SEMA5A: variants seen among roughly 807,000 people sequenced by gnomAD.
SEMA5A encodes the protein semaphorin-5A.
SEMA5A carries 55 observed loss-of-function variants against 135.5 expected under a neutral mutation model. That is an observed-to-expected ratio of 0.41 (90% CI 0.33 to 0.51). SEMA5A has a LOEUF of 0.51. SEMA5A is among the 20% of genes least tolerant of loss of function. The pLI is 0.37. For synonymous variants in SEMA5A, 580 were observed against 546.5 expected (o/e 1.06, Z -0.85); for missense variants, 1,290 against 1,419.9 (o/e 0.91, Z 1.47).
chr5:9,533,595 A>T (rs1737579373), intron 1 of SEMA5A, among the ~76,000 whole-genome samples: 1 of 152,208 alleles, frequency 6.6e-6, no homozygotes, highest in Non-Finnish European at 1.5e-5. Flanking sequence ...AATTAAGTGA[A>T]TCCAATTAAT....
chr5:9,170,853 C>T (rs1262821619), intron 11 of SEMA5A, among the ~76,000 whole-genome samples: 6 of 152,178 alleles, frequency 3.9e-5, no homozygotes, highest in Non-Finnish European at 1.5e-5. Flanking sequence ...CCCTTTCATT[C>T]ACCAACAGTC....
chr5:9,055,751 T>C (rs1736854296), intron 18 of SEMA5A, among the ~76,000 whole-genome samples: 1 of 152,162 alleles, frequency 6.6e-6, no homozygotes. Context: ...CTTGCAGAAT[T>C]CAACAGTATT....
chr5:9,283,353 T>G (rs1267808955), intron 5 of SEMA5A, among the ~76,000 whole-genome samples: 2 of 152,162 alleles, frequency 1.3e-5, no homozygotes, highest in African/African-American at 4.8e-5. Context: ...TCTTTGTGAC[T>G]GTAGGACTGA....
chr5:9,422,922 A>G (rs1315961715), intron 2 of SEMA5A, among the ~76,000 whole-genome samples: 1 of 152,240 alleles, frequency 6.6e-6, no homozygotes, highest in Non-Finnish European at 1.5e-5. Context: ...CAACTGTAAA[A>G]TCATTTTATG....
At chr5:9,106,126 T>C (rs1460142783) in intron 16 of SEMA5A, among the ~76,000 whole-genome samples, 1 of 152,112 alleles carries the variant, frequency 6.6e-6, no homozygotes, top group African/African-American at 2.4e-5. Flanking sequence ...CAATAACACC[T>C]TCCTAGAAGT....
intron 16 of SEMA5A, among the ~76,000 whole-genome samples, chr5:9,105,820 C>A (rs767148859): frequency 2.0e-5 from 3 of 152,140 alleles, no homozygotes; most frequent in Non-Finnish European, 4.4e-5. Flanking sequence ...CAATAAAAAC[C>A]GAACCCTTTG....
At chr5:9,299,132 T>A (rs1751481906) in intron 5 of SEMA5A, among the ~76,000 whole-genome samples, 1 of 152,110 alleles carries the variant, frequency 6.6e-6, no homozygotes, top group Non-Finnish European at 1.5e-5. Context: ...GAAGGGGGCA[T>A]CTTTACCTAA....
intron 3 of SEMA5A, among the ~76,000 whole-genome samples, chr5:9,361,250 G>T (rs1311191347): frequency 2.0e-5 from 3 of 149,366 alleles, no homozygotes; most frequent in East Asian, 2.0e-4. Flanking sequence ...AGTGAGGCAA[G>T]ATCATGCCAC....
intron 1 of SEMA5A, among the ~76,000 whole-genome samples, chr5:9,446,330 G>A (rs1758432012): frequency 6.6e-6 from 1 of 152,068 alleles, no homozygotes; most frequent in South Asian, 2.1e-4. Flanking sequence ...AAGAAAGAGA[G>A]GGGGCAAAAA....
chr5:9,353,362 G>GGAAAGGAAAT (rs1754292292), intron 3 of SEMA5A, among the ~76,000 whole-genome samples: 5 of 137,436 alleles, frequency 3.6e-5, no homozygotes, highest in African/African-American at 1.4e-4. Context: ...GGGAAGGAAA[G>GGAAAGGAAAT]GAAAGGAAAG....
At chr5:9,541,181 C>G (rs1738064421) in intron 1 of SEMA5A, among the ~76,000 whole-genome samples, 1 of 152,154 alleles carries the variant, frequency 6.6e-6, no homozygotes, top group South Asian at 2.1e-4. Context: ...TTTCACGTCT[C>G]AACAAATATA....
chr5:9,280,673 C>T, intron 5 of SEMA5A: 1 of 223,598 alleles, frequency 4.5e-6, no homozygotes, highest in Non-Finnish European at 9.4e-6. Flanking sequence ...AATTGGATAC[C>T]TCTGAAATTA....
intron 15 of SEMA5A, among the ~76,000 whole-genome samples, chr5:9,112,834 C>T (rs1740313328): frequency 6.6e-6 from 1 of 152,218 alleles, no homozygotes. Flanking sequence ...AATGTCACTT[C>T]TGTCATTATG....
rs577997250 is a variant in SEMA5A, at chr5:9,061,654, T to C, written c.2518+1233A>G. On this transcript the variant is annotated intron_variant, in intron 18 of 22. Transcript: ENST00000382496. Reference sequence around the variant, plus strand: ...AATATTAAAGGGAAAGATGGAGGAGTGTTTCAGGCATTGTCAGAGCAAAAG... The same window carrying C: ...AATATTAAAGGGAAAGATGGAGGAGCGTTTCAGGCATTGTCAGAGCAAAAG... 2.0e-4 allele frequency among the ~76,000 whole-genome samples: 30 copies of C among 151,438 alleles called. No homozygotes were observed. In the South Asian group the frequency reaches 4.0e-3, roughly 20 times the overall value.
intron 6 of SEMA5A, among the ~76,000 whole-genome samples, chr5:9,231,632 C>A (rs1305800231): frequency 2.0e-5 from 3 of 152,106 alleles, no homozygotes; most frequent in African/African-American, 7.2e-5. Context: ...CCATGGGTTA[C>A]CTGAACTTGC....
chr5:9,048,480 C>A (rs1017695939), intron 21 of SEMA5A, among the ~76,000 whole-genome samples: 1 of 152,162 alleles, frequency 6.6e-6, no homozygotes, highest in African/African-American at 2.4e-5. Context: ...TTTCTGTAGA[C>A]CTGACCAGAA....
intron 12 of SEMA5A, among the ~76,000 whole-genome samples, chr5:9,153,783 A>T (rs1742769251): frequency 6.6e-6 from 1 of 151,940 alleles, no homozygotes; most frequent in African/African-American, 2.4e-5. Context: ...CAGTAGCTCA[A>T]GCCTGTAATC....
At chr5:9,314,582 G>T (rs1752310090) in intron 5 of SEMA5A, among the ~76,000 whole-genome samples, 1 of 151,928 alleles carries the variant, frequency 6.6e-6, no homozygotes, top group South Asian at 2.1e-4. Context: ...ACTGTTATAA[G>T]ACCCTTTGTC....
At chr5:9,279,146 C>A (rs539758087) in intron 5 of SEMA5A, among the ~76,000 whole-genome samples, 7 of 152,326 alleles carry the variant, frequency 4.6e-5, no homozygotes, top group African/African-American at 1.4e-4. Flanking sequence ...GCCACAGGGG[C>A]AGAGCTGCCA....
Sources: allele counts gnomAD v4.1 joint callset (sites outside exome capture counted in the v4.1 genomes callset), GRCh38; gene constraint gnomAD v4.1.1; transcripts MANE v1.5; gene names NCBI Gene and HGNC (gene_info 2026-07-23, HGNC 2026-07-21).